The following C7 variants were observed in gnomAD, a reference collection of about 807,000 sequenced individuals.
C7 encodes the protein complement C7.
A neutral mutation model predicts 104.8 loss-of-function variants in C7; 83 were observed. That is an observed-to-expected ratio of 0.79 (90% confidence interval 0.66 to 0.95). C7 has a LOEUF of 0.95. C7 is among the 40% of genes least tolerant of loss of function. The probability of loss-of-function intolerance (pLI) is 0.00; values close to 1 mark genes in which losing one functional copy is unlikely to be tolerated. For synonymous variants in C7, 415 were observed against 360.6 expected (o/e 1.15, Z -1.71); for missense variants, 1,070 against 1,011.2 (o/e 1.06, Z -0.79).
chr5:40,915,045 C>G (rs1246233742), intron 1 of C7, among the ~76,000 whole-genome samples: 1 of 151,996 alleles, frequency 6.6e-6, no homozygotes, highest in African/African-American at 2.4e-5. Context: ...TTGGAAAGGA[C>G]CCCCAGGAAG....
At chr5:40,934,701 TG>T (rs1251235029) in intron 4 of C7, among the ~76,000 whole-genome samples, 1 of 152,188 alleles carries the variant, frequency 6.6e-6, no homozygotes, top group African/African-American at 2.4e-5. Context: ...TCTCTTTGAA[TG>T]GAACTCTAGT....
intron 13 of C7, among the ~76,000 whole-genome samples, chr5:40,964,170 GT>G: frequency 6.6e-6 from 1 of 151,324 alleles, no homozygotes; most frequent in South Asian, 2.1e-4. Flanking sequence ...AGCCTCCTGA[GT>G]AGCTGGGACT....
intron 4 of C7, 125 bp downstream of exon 4, chr5:40,934,591 TATCATCAGGATTTTTGTTGGTATGTTA>T (rs1441123025): frequency 2.1e-6 from 2 of 930,398 alleles, no homozygotes; most frequent in African/African-American, 3.3e-5. Context: ...TTCCCCCAAA[TATCATCAGGATTTTTGTTGGTATGTTA>T]ATCATCCACT....
intron 12 of C7, among the ~76,000 whole-genome samples, chr5:40,960,521 A>T (rs3805215): frequency 0.19 from 28,283 of 151,956 alleles, 3,241 homozygotes; most frequent in Middle Eastern, 0.39. Context: ...TGCTGTGCAC[A>T]TGTTTCTGGG....
chr5:40,978,537 A>G (rs1324625096), intron 16 of C7, among the ~76,000 whole-genome samples: 1 of 152,208 alleles, frequency 6.6e-6, no homozygotes, highest in Non-Finnish European at 1.5e-5. Context: ...TTCAGCTGTT[A>G]TAAGTAGTTC....
intron 9 of C7, among the ~76,000 whole-genome samples, chr5:40,950,964 T>G (rs558739970): frequency 8.3e-4 from 126 of 152,250 alleles, no homozygotes; most frequent in African/African-American, 1.4e-3. Flanking sequence ...TGATGGCTAT[T>G]GGGTTCCATT....
At chr5:40,922,129 C>G (rs1168581006) in intron 1 of C7, among the ~76,000 whole-genome samples, 2 of 151,902 alleles carry the variant, frequency 1.3e-5, no homozygotes, top group East Asian at 3.9e-4. Context: ...GTAATCCCAG[C>G]ACTTTGGGAG....
intron 14 of C7, among the ~76,000 whole-genome samples, chr5:40,968,557 TTATATATATTTTATATATA>T (rs1253783022): frequency 0.02 from 2,196 of 110,442 alleles, 66 homozygotes; most frequent in East Asian, 0.046. Flanking sequence ...CTTAAAACAA[TTATATATATTTTATATATA>T]TATATATATA....
rs1224645006 is a variant in C7, at chr5:40,979,820, A to G, written c.2261A>G (p.Asn754Ser). 2 of 1,613,534 alleles carry G rather than the reference A, an allele frequency of 1.2e-6. No individual in the cohort carries two copies. Among genetic ancestry groups the G allele is most frequent in the African/African-American group, 2.7e-5 (2 of 74,900 alleles). The change falls in exon 17 of 18, where the codon AAT (asparagine) becomes AGT (serine). Residue 754 changes from asparagine to serine, a missense_variant. By Grantham distance (46) the Asn-to-Ser change is conservative (BLOSUM62 1). Coordinates refer to ENST00000313164, the MANE Select transcript of C7 (RefSeq NM_000587.4). ...CATGTTCTCCACTGTCAGGGTAGAAATTACACCCTTACTGGTAGGGACAGC... is the reference window on the plus strand; with the variant it reads ...CATGTTCTCCACTGTCAGGGTAGAAGTTACACCCTTACTGGTAGGGACAGC... ...KMHVLHCQGR[N>S]YTLTGRDSCT...
At chr5:40,955,959 A>G (rs1453679776) in intron 10 of C7, among the ~76,000 whole-genome samples, 1 of 152,172 alleles carries the variant, frequency 6.6e-6, no homozygotes, top group East Asian at 1.9e-4. Context: ...TCCTGAAGTC[A>G]TACAAAGTAG....
At chr5:40,976,718 C>T (rs778227991) in intron 15 of C7, 32 bp from the exon 16 acceptor site, 2 of 1,506,974 alleles carry the variant, frequency 1.3e-6, no homozygotes, top group South Asian at 2.4e-5. Context: ...GGCTTTTCTC[C>T]TAACGACCAC....
At chr5:40,919,422 G>T (rs1287399368) in intron 1 of C7, among the ~76,000 whole-genome samples, 1 of 152,104 alleles carries the variant, frequency 6.6e-6, no homozygotes, top group Non-Finnish European at 1.5e-5. Context: ...ACCACAACTG[G>T]CCTCAAGTAT....
At chr5:40,924,541 G>T (rs919634914) in intron 1 of C7, among the ~76,000 whole-genome samples, 2 of 152,312 alleles carry the variant, frequency 1.3e-5, no homozygotes, top group East Asian at 1.9e-4. Context: ...TGGGGACTGT[G>T]TGGGGGGGTT....
At chr5:40,935,273 C>T (rs1739788695) in intron 4 of C7, among the ~76,000 whole-genome samples, 2 of 152,132 alleles carry the variant, frequency 1.3e-5, no homozygotes, top group Admixed American at 6.6e-5. Context: ...TTGGATGATT[C>T]GTTGGCCTGA....
intron 1 of C7, among the ~76,000 whole-genome samples, chr5:40,928,154 G>A (rs1413344335): frequency 2.0e-5 from 3 of 152,124 alleles, no homozygotes; most frequent in African/African-American, 7.2e-5. Context: ...AAATAAACCA[G>A]GCACAGGAAG....
At chr5:40,964,439 T>G (rs142466269) in intron 13 of C7, 2 of 192,574 alleles carry the variant, frequency 1.0e-5, no homozygotes, top group Non-Finnish European at 2.1e-5. Context: ...AAGAAATTAT[T>G]TGGACAGTGT....
At position 40,947,600 on chromosome 5, in the gene C7, A is replaced by G. The variant is rs376515888; in HGVS notation, c.739-2A>G. The G allele has an allele frequency of 2.5e-6, 4 of 1,612,924 alleles. No individual in the cohort carries two copies. The African/African-American group carries it at 5.3e-5, about 22-fold the overall frequency. ...TCCTTGTACTCTTTCTTCTTTCCAC[A>G]GAGTTACCAACTGCTGGTTGTTGAG... On this transcript the variant is annotated splice_acceptor_variant, in intron 7 of 17. Transcript: ENST00000313164. LOFTEE classifies it high-confidence loss of function.
chr5:40,957,773 T>TG (rs70988821), intron 10 of C7, among the ~76,000 whole-genome samples: 73,838 of 150,620 alleles, frequency 0.49, 20,294 homozygotes, highest in Middle Eastern at 0.64. Context: ...TTTTTGTTTT[T>TG]TTTTTTTTTA....
At chr5:40,968,600 A>ATTTTTTTTTTTTTTTTTT in intron 14 of C7, among the ~76,000 whole-genome samples, 1 of 25,498 alleles carries the variant, frequency 3.9e-5, no homozygotes, top group Non-Finnish European at 7.1e-5. Context: ...ATATATATAT[A>ATTTTTTTTTTTTTTTTTT]TTTTTTTTTT....
Sources: allele counts gnomAD v4.1 joint callset (sites outside exome capture counted in the v4.1 genomes callset), GRCh38; gene constraint gnomAD v4.1.1; transcripts MANE v1.5; gene names NCBI Gene and HGNC (gene_info 2026-07-23, HGNC 2026-07-21).